Variants in SPMIP7 observed in about 807,000 individuals in gnomAD.
SPMIP7 encodes sperm microtubule inner protein 7.
chr7:50,158,050 C>T, the SPMIP7 span, among the ~76,000 whole-genome samples: 2 of 152,228 alleles, frequency 1.3e-5, no homozygotes, highest in Non-Finnish European at 2.9e-5. Flanking sequence ...AAACCCTGTA[C>T]ACCCGGCCTT....
chr7:50,127,617 C>CTATATA, the SPMIP7 span, among the ~76,000 whole-genome samples: 3,256 of 142,408 alleles, frequency 0.023, 124 homozygotes, highest in African/African-American at 0.075. Flanking sequence ...ATATCTTTTT[C>CTATATA]TATATATATA....
the SPMIP7 span, among the ~76,000 whole-genome samples, chr7:50,134,541 A>G: frequency 6.6e-6 from 1 of 152,202 alleles, no homozygotes; most frequent in Non-Finnish European, 1.5e-5. Flanking sequence ...GACTGTGTTT[A>G]TTTTTGGAAT....
At chr7:50,114,856 C>T in the SPMIP7 span, among the ~76,000 whole-genome samples, 1 of 151,854 alleles carries the variant, frequency 6.6e-6, no homozygotes, top group Non-Finnish European at 1.5e-5. Context: ...ATGGTAAAAC[C>T]CTGTCTCTAT....
chr7:50,151,703 A>T, the SPMIP7 span: 1 of 616,368 alleles, frequency 1.6e-6, no homozygotes, highest in East Asian at 2.9e-5. Context: ...AAACAGAAAA[A>T]AAGATAATTT....
At chr7:50,129,854 C>T in the SPMIP7 span, 1 of 1,055,174 alleles carries the variant, frequency 9.5e-7, no homozygotes, top group Non-Finnish European at 1.4e-6. Flanking sequence ...CTTTATGACA[C>T]ATCCTCTTTA....
chr7:50,134,346 C>T, the SPMIP7 span: 162 of 996,858 alleles, frequency 1.6e-4, no homozygotes, highest in African/African-American at 2.4e-3. Flanking sequence ...GTTAACAATA[C>T]CTAAGGAAGT....
At chr7:50,148,348 A>G in the SPMIP7 span, among the ~76,000 whole-genome samples, 1 of 152,256 alleles carries the variant, frequency 6.6e-6, no homozygotes, top group East Asian at 1.9e-4. Context: ...ACCATTTAGC[A>G]TCAATAACAT....
the SPMIP7 span, among the ~76,000 whole-genome samples, chr7:50,119,682 A>T: frequency 1.3e-5 from 2 of 152,232 alleles, no homozygotes; most frequent in African/African-American, 2.4e-5. Flanking sequence ...ATTGAAAACA[A>T]TACTCTGACC....
At chr7:50,147,645 T>G in the SPMIP7 span, among the ~76,000 whole-genome samples, 1 of 152,246 alleles carries the variant, frequency 6.6e-6, no homozygotes. Context: ...ACATTTTTCC[T>G]CTCATATTTA....
At chr7:50,132,614 A>C in the SPMIP7 span, among the ~76,000 whole-genome samples, 3 of 152,224 alleles carry the variant, frequency 2.0e-5, no homozygotes, top group East Asian at 3.9e-4. Context: ...CTTTCATTGA[A>C]CTCACAGATT....
At chr7:50,096,384 A>G in the SPMIP7 span, 1 of 1,552,008 alleles carries the variant, frequency 6.4e-7, no homozygotes. Context: ...CTTCGGGATG[A>G]TGTGACCTTA....
chr7:50,117,708 AGGCAG>A, the SPMIP7 span, among the ~76,000 whole-genome samples: 2 of 152,322 alleles, frequency 1.3e-5, no homozygotes, highest in East Asian at 3.9e-4. Flanking sequence ...GGAAAATACC[AGGCAG>A]GGTATGATCT....
the SPMIP7 span, among the ~76,000 whole-genome samples, chr7:50,122,775 T>C: frequency 6.6e-6 from 1 of 152,204 alleles, no homozygotes; most frequent in South Asian, 2.1e-4. Flanking sequence ...CAGACACTTC[T>C]CAAAAGAAGA....
the SPMIP7 span, among the ~76,000 whole-genome samples, chr7:50,154,304 C>T: frequency 1.3e-5 from 2 of 152,092 alleles, no homozygotes; most frequent in African/African-American, 4.8e-5. Flanking sequence ...ACTATGACGC[C>T]CTGTAGTCCT....
chr7:50,125,150 A>G, the SPMIP7 span, among the ~76,000 whole-genome samples: 1 of 96,876 alleles, frequency 1.0e-5, no homozygotes, highest in Non-Finnish European at 2.0e-5. Context: ...ACATATACAC[A>G]CATATATATA....
At chr7:50,109,523 G>A in the SPMIP7 span, among the ~76,000 whole-genome samples, 1 of 152,074 alleles carries the variant, frequency 6.6e-6, no homozygotes, top group African/African-American at 2.4e-5. Flanking sequence ...TTACAGGCAT[G>A]TGCCACCACG....
chr7:50,152,016 G>A, the SPMIP7 span, among the ~76,000 whole-genome samples: 1 of 152,194 alleles, frequency 6.6e-6, no homozygotes, highest in African/African-American at 2.4e-5. Context: ...TCTGTTGAAA[G>A]TCACATATAT....
the SPMIP7 span, among the ~76,000 whole-genome samples, chr7:50,152,585 G>A: frequency 6.6e-6 from 1 of 152,092 alleles, no homozygotes; most frequent in Non-Finnish European, 1.5e-5. Flanking sequence ...CAGACTAGAG[G>A]GACGGCAGTT....
At chr7:50,136,907 A>G in the SPMIP7 span, among the ~76,000 whole-genome samples, 1 of 152,202 alleles carries the variant, frequency 6.6e-6, no homozygotes, top group African/African-American at 2.4e-5. Context: ...AGAATATGAC[A>G]TAGTCTGTGT....
Sources: allele counts gnomAD v4.1 joint callset (sites outside exome capture counted in the v4.1 genomes callset), GRCh38; gene constraint gnomAD v4.1.1; transcripts MANE v1.5; gene names NCBI Gene and HGNC (gene_info 2026-07-23, HGNC 2026-07-21).